Variants in ZNF680 observed in about 807,000 individuals in gnomAD.
ZNF680 encodes the protein zinc finger protein 680.
A neutral mutation model predicts 12.1 loss-of-function variants in ZNF680; 6 were observed. That is an observed-to-expected ratio of 0.49 (90% CI 0.27 to 0.98). The LOEUF is 0.98. ZNF680 is among the 50% of genes least tolerant of loss of function. The probability of loss-of-function intolerance (pLI) is 0.12; values close to 1 mark genes in which losing one functional copy is unlikely to be tolerated. For synonymous variants in ZNF680, 170 were observed against 199.3 expected, an observed-to-expected ratio of 0.85 and a Z score of 1.24; for missense variants, 561 against 616.3, an observed-to-expected ratio of 0.91 and a Z score of 0.95.
At chr7:64,515,653 A>T (rs1332558720), downstream of ZNF680, among the ~76,000 whole-genome samples, 1 of 152,122 alleles carries the variant, frequency 6.6e-6, no homozygotes, top group African/African-American at 2.4e-5. Context: ...CTGCACAAAT[A>T]AAAAAACCCT....
the ZNF680 span, among the ~76,000 whole-genome samples, chr7:64,511,934 C>T: frequency 1.3e-5 from 2 of 151,690 alleles, no homozygotes; most frequent in African/African-American, 4.8e-5. Flanking sequence ...TGGTGGGCAC[C>T]TGTAATCCCA....
At chr7:64,507,282 T>A in the ZNF680 span, among the ~76,000 whole-genome samples, 3 of 152,100 alleles carry the variant, frequency 2.0e-5, no homozygotes, top group Admixed American at 6.6e-5. Context: ...TACCAGAGAC[T>A]GGGGGTGGTT....
chr7:64,503,305 A>C, the ZNF680 span, among the ~76,000 whole-genome samples: 1 of 152,092 alleles, frequency 6.6e-6, no homozygotes, highest in South Asian at 2.1e-4. Context: ...GTACCTCTAA[A>C]GGTGGTAAAT....
Position 64,522,406 on chromosome 7 carries a change from T to C in ZNF680, c.348A>G (p.Gly116=). Residue 116 remains glycine (G), a synonymous_variant, in exon 4 of 4, where the codon GGA becomes GGG. Transcript: ENST00000309683. The part of the protein sequence containing the change: ...KVILRGYGKC[G]HENLQLRISC... ...TTATTCTTAATTGTAAATTCTCATG[T>C]CCACATTTTCCATATCCTCTCAGTA... The C allele has an allele frequency of 6.2e-7, 1 of 1,611,808 alleles. No individual in the cohort carries two copies. Among genetic ancestry groups the C allele is most frequent in the Non-Finnish European group, 8.5e-7 (1 of 1,178,934 alleles).
At chr7:64,525,787 GAATA>G (rs1791807488) in intron 3 of ZNF680, 7 of 973,424 alleles carry the variant, frequency 7.2e-6, no homozygotes, top group Non-Finnish European at 8.5e-6. Flanking sequence ...ATAGATCCAT[GAATA>G]AATAGATGTT....
intron 3 of ZNF680, among the ~76,000 whole-genome samples, chr7:64,523,784 G>A (rs1260043740): frequency 1.3e-5 from 2 of 151,764 alleles, no homozygotes; most frequent in East Asian, 2.0e-4. Flanking sequence ...ATGGTGGTGG[G>A]CGCCTGTAGT....
At chr7:64,544,218 CA>C (rs1786657705) in intron 2 of ZNF680, 87 bp downstream of exon 2, 1 of 1,504,342 alleles carries the variant, frequency 6.6e-7, no homozygotes, top group East Asian at 2.4e-5. Flanking sequence ...CTCATTTATG[CA>C]AAGCACAAAT....
the ZNF680 span, among the ~76,000 whole-genome samples, chr7:64,511,413 T>C: frequency 6.6e-6 from 1 of 152,176 alleles, no homozygotes; most frequent in Admixed American, 6.5e-5. Context: ...CCTAAAAGTT[T>C]TGGCTAAGGC....
the ZNF680 span, among the ~76,000 whole-genome samples, chr7:64,508,917 T>G: frequency 1.3e-5 from 2 of 152,206 alleles, no homozygotes; most frequent in Admixed American, 1.3e-4. Context: ...TTTTTGTGAT[T>G]CCTTGAGATA....
intron 1 of ZNF680, among the ~76,000 whole-genome samples, chr7:64,549,456 T>C (rs1786954939): frequency 6.6e-6 from 1 of 152,196 alleles, no homozygotes; most frequent in Non-Finnish European, 1.5e-5. Context: ...TATGTTGACA[T>C]CTCACAATGC....
chr7:64,532,494 G>C (rs1785942159), intron 3 of ZNF680, among the ~76,000 whole-genome samples: 1 of 151,972 alleles, frequency 6.6e-6, no homozygotes, highest in Non-Finnish European at 1.5e-5. Flanking sequence ...CTCCTACCCT[G>C]AACAGACCAA....
chr7:64,534,304 CA>C (rs1178355117), intron 3 of ZNF680, among the ~76,000 whole-genome samples: 1 of 152,006 alleles, frequency 6.6e-6, no homozygotes, highest in African/African-American at 2.4e-5. Context: ...ACAATGAACT[CA>C]AATCAGCAAG....
intron 3 of ZNF680, among the ~76,000 whole-genome samples, chr7:64,538,926 T>C (rs1562757011): frequency 6.6e-6 from 1 of 151,960 alleles, no homozygotes; most frequent in Non-Finnish European, 1.5e-5. Context: ...AGGTCAGCAG[T>C]TTGAGACCAG....
In ZNF680 at chr7:64,557,429, C is replaced by T. The variant is rs1445297980; in HGVS notation, c.30+5496G>A. ...AAGTAGCCACGTGTGTTGGCACGCACCTGTAATCCCAGCTACTCAGGAGGC... is the reference window on the plus strand; with the variant it reads ...AAGTAGCCACGTGTGTTGGCACGCATCTGTAATCCCAGCTACTCAGGAGGC... On this transcript the variant is annotated intron_variant, in intron 1 of 3. Coordinates refer to ENST00000309683, the MANE Select transcript of ZNF680 (RefSeq NM_178558.5). Among the ~76,000 whole-genome samples the T allele has an allele frequency of 2.0e-5, 3 of 151,736 alleles. No homozygotes were observed. In the East Asian group the frequency reaches 5.8e-4, roughly 29 times the overall value.
At chr7:64,543,873 G>T in intron 2 of ZNF680, 71 bp from the exon 3 acceptor site, 1 of 1,293,980 alleles carries the variant, frequency 7.7e-7, no homozygotes, top group Non-Finnish European at 1.1e-6. Flanking sequence ...AATGTGCTCA[G>T]TAAAGAGAAT....
rs1419800855 is a variant in ZNF680 at position 64,563,011 on chromosome 7, T to C, written c.-57A>G. 7 of 1,600,504 alleles carry C rather than the reference T, an allele frequency of 4.4e-6. No individual in the cohort carries two copies. Among genetic ancestry groups the C allele is most frequent in the Non-Finnish European group, 4.3e-6 (5 of 1,168,524 alleles). ...AACGGAGTCACAGAGGCTGGGCCTC[T>C]AGGAGCAGAATACACAGAGCAGTAA... is the stretch of plus-strand genomic sequence containing the variant. On this transcript the variant is annotated 5_prime_UTR_variant, in exon 1 of 4. Transcript: ENST00000309683.
intron 3 of ZNF680, among the ~76,000 whole-genome samples, chr7:64,527,238 C>CAAAT (rs575866645): frequency 1.2e-4 from 18 of 151,472 alleles, no homozygotes; most frequent in South Asian, 2.1e-4. Context: ...GATTCTGTCT[C>CAAAT]AAATAAATAA....
intron 1 of ZNF680, among the ~76,000 whole-genome samples, chr7:64,549,231 C>T (rs1470244665): frequency 6.6e-6 from 1 of 152,044 alleles, no homozygotes; most frequent in Non-Finnish European, 1.5e-5. Context: ...CAAGAATACT[C>T]CAGTACCACA....
the ZNF680 span, among the ~76,000 whole-genome samples, chr7:64,507,820 A>G: frequency 1.5e-5 from 2 of 133,356 alleles, no homozygotes; most frequent in Admixed American, 8.4e-5. Context: ...TTAAAATTCC[A>G]GGAAACACAC....
Sources: gnomAD v4.1 joint callset for allele counts (sites outside exome capture counted in the v4.1 genomes callset) on GRCh38, gnomAD v4.1.1 for gene constraint, MANE v1.5 for transcripts, NCBI Gene and HGNC (gene_info 2026-07-23, HGNC 2026-07-21) for gene names.